The following KPRP variants were observed in gnomAD, a reference collection of about 807,000 sequenced individuals.
KPRP encodes the protein keratinocyte proline rich protein.
For synonymous variants in KPRP, 282 were observed against 276.9 expected, an observed-to-expected ratio of 1.02 and a Z score of -0.18; for missense variants, 820 against 746.4, an observed-to-expected ratio of 1.10 and a Z score of -1.15.
At chr1:152,758,848 A>C (rs971429349), upstream of KPRP, among the ~76,000 whole-genome samples, 4 of 152,238 alleles carry the variant, frequency 2.6e-5, no homozygotes, top group African/African-American at 9.6e-5. Flanking sequence ...GCAAGTTGCC[A>C]TGGTGGTCAG....
exon 1 of KPRP, chr1:152,760,583 C>G (rs147332234): frequency 6.9e-5 from 111 of 1,608,734 alleles, no homozygotes; most frequent in Non-Finnish European, 8.9e-5. Context: ...ATTTCCTCCC[C>G]GTGCTGCCCC....
At chr1:152,759,429 TAA>T, upstream of KPRP, 1 of 1,277,298 alleles carries the variant, frequency 7.8e-7, no homozygotes, top group South Asian at 1.6e-5. Context: ...TGGGTCGAAC[TAA>T]GTCAGGACAC....
At chr1:152,761,475 A>C in exon 1 of KPRP, 1 of 1,409,622 alleles carries the variant, frequency 7.1e-7, no homozygotes, top group African/African-American at 1.5e-5. Context: ...TCCTTTGCCT[A>C]TCATCCAAAG....
At chr1:152,760,939 C>T (rs1365256819) in exon 1 of KPRP, 2 of 1,613,120 alleles carry the variant, frequency 1.2e-6, no homozygotes, top group Admixed American at 1.7e-5. Flanking sequence ...TCCCCTTCCT[C>T]GCCCAGGGCA....
rs751405741 is a variant in KPRP at position 152,760,144 on chromosome 1, G to C, written c.556G>C (p.Gly186Arg). The change falls in exon 1 of 1, where the codon GGC (glycine) becomes CGC (arginine). Residue 186 changes from glycine (G) to arginine (R), a missense_variant. By Grantham distance (125) the Gly-to-Arg change is moderately radical. Transcript: ENST00000606109. Reference sequence around the variant, plus strand: ...ATTCTCCACCCAGTGCCAGTATCAAGGCTCCTATAGCAGTTGTGGCCCCCA... The same window carrying C: ...ATTCTCCACCCAGTGCCAGTATCAACGCTCCTATAGCAGTTGTGGCCCCCA... 1.9e-6 allele frequency: 3 copies of C among 1,614,124 alleles called. No individual in the cohort carries two copies. The African/African-American group carries it at 4.0e-5, about 22-fold the overall frequency.
exon 1 of KPRP, chr1:152,761,683 G>C: frequency 4.5e-6 from 1 of 220,756 alleles, no homozygotes; most frequent in Non-Finnish European, 9.9e-6. Flanking sequence ...CTCCTCCCCA[G>C]CTTCTGAAAT....
chr1:152,760,112 A>G, exon 1 of KPRP: 3 of 1,614,138 alleles, frequency 1.9e-6, no homozygotes, highest in Non-Finnish European at 2.5e-6. Context: ...TGCCAGCCTC[A>G]GGGAAGATTC....
chr1:152,760,379 T>A (rs1647410747), exon 1 of KPRP: 1 of 1,614,022 alleles, frequency 6.2e-7, no homozygotes, highest in African/African-American at 1.3e-5. Context: ...CGGCTGCAGC[T>A]TTTCCCCCGC....
At chr1:152,759,888 C>T (rs935827679) in exon 1 of KPRP, 2 of 1,614,150 alleles carry the variant, frequency 1.2e-6, no homozygotes, top group Non-Finnish European at 1.7e-6. Flanking sequence ...AGGCTGCATC[C>T]CAATCTCAAA....
exon 1 of KPRP, chr1:152,760,395 T>G (rs759324604): frequency 1.2e-6 from 2 of 1,614,016 alleles, no homozygotes; most frequent in Non-Finnish European, 1.7e-6. Context: ...CCCGCAGCTG[T>G]TCCCCACCAA....
upstream of KPRP, chr1:152,759,498 C>T: frequency 6.6e-7 from 1 of 1,515,392 alleles, no homozygotes; most frequent in Non-Finnish European, 8.8e-7. Context: ...GGGTGTCTTC[C>T]TCTAGGTCCT....
At chr1:152,761,349 C>T (rs1463898782) in exon 1 of KPRP, 3 of 1,598,438 alleles carry the variant, frequency 1.9e-6, no homozygotes, top group Non-Finnish European at 2.6e-6. Flanking sequence ...ACTGAGATAA[C>T]CCTCTCTCCT....
At chr1:152,761,211 T>C in exon 1 of KPRP, 1 of 1,613,622 alleles carries the variant, frequency 6.2e-7, no homozygotes, top group Non-Finnish European at 8.5e-7. Context: ...GGCAAGAGAG[T>C]GGTGCTGGCT....
exon 1 of KPRP, chr1:152,760,091 G>A (rs16834461): frequency 0.14 from 218,684 of 1,613,900 alleles, 18,347 homozygotes; most frequent in East Asian, 0.32. Context: ...TATAGAGGGC[G>A]TCCTGCAGTG....
chr1:152,759,531 C>T, upstream of KPRP: 2 of 1,559,750 alleles, frequency 1.3e-6, no homozygotes, highest in African/African-American at 1.4e-5. Flanking sequence ...CCAACTCTCA[C>T]CCTCCTGACC....
exon 1 of KPRP, chr1:152,761,172 C>T (rs1226769153): frequency 4.3e-6 from 7 of 1,614,202 alleles, no homozygotes; most frequent in Non-Finnish European, 5.1e-6. Flanking sequence ...CCGAAGCTCC[C>T]TACTGTGGCC....
exon 1 of KPRP, chr1:152,759,776 C>T: frequency 6.2e-7 from 1 of 1,614,178 alleles, no homozygotes; most frequent in African/African-American, 1.3e-5. Flanking sequence ...TCAGACCAGG[C>T]TCCATGCCAG....
At chr1:152,761,594 T>G in exon 1 of KPRP, 1 of 430,904 alleles carries the variant, frequency 2.3e-6, no homozygotes, top group Non-Finnish European at 4.3e-6. Flanking sequence ...AGCTTGGGTG[T>G]TCCCCAGGCC....
At chr1:152,761,504 G>A in exon 1 of KPRP, 1 of 1,259,072 alleles carries the variant, frequency 7.9e-7, no homozygotes, top group Non-Finnish European at 1.1e-6. Context: ...CTGGGTCTCA[G>A]ATGCCTCTCC....
Sources: gnomAD v4.1 joint callset for allele counts (sites outside exome capture counted in the v4.1 genomes callset) on GRCh38, gnomAD v4.1.1 for gene constraint, MANE v1.5 for transcripts, NCBI Gene and HGNC (gene_info 2026-07-23, HGNC 2026-07-21) for gene names.